The following AGBL3 variants were observed in gnomAD, a reference collection of about 807,000 sequenced individuals.
The protein encoded by AGBL3 is AGBL carboxypeptidase 3.
A neutral mutation model predicts 94.5 loss-of-function variants in AGBL3; 68 were observed. The observed-to-expected ratio is 0.72, with a 90% CI of 0.59 to 0.88. The LOEUF (loss-of-function observed/expected upper bound fraction) is 0.88, where lower values mean the gene tolerates loss of function less well. Ranked by LOEUF, AGBL3 falls within the 40% of genes least tolerant of loss-of-function variation. The probability of loss-of-function intolerance (pLI) is 0.00; values close to 1 mark genes in which losing one functional copy is unlikely to be tolerated. For missense variants in AGBL3, 934 were observed against 1,103.8 expected, an observed-to-expected ratio of 0.85 and a Z score of 2.18; for synonymous variants, 354 against 370.7, an observed-to-expected ratio of 0.95 and a Z score of 0.52.
intron 5 of AGBL3, among the ~76,000 whole-genome samples, chr7:135,026,244 A>ATT (rs1554497686): frequency 3.4e-4 from 28 of 81,474 alleles, no homozygotes; most frequent in Admixed American, 6.8e-4. Context: ...AATGAATACC[A>ATT]TTATTTTATT....
At chr7:135,049,772 AT>A (rs920187657) in intron 11 of AGBL3, among the ~76,000 whole-genome samples, 36 of 151,582 alleles carry the variant, frequency 2.4e-4, no homozygotes, top group African/African-American at 8.7e-4. Flanking sequence ...TTCCTCTTTC[AT>A]TTTTTATTTT....
In AGBL3 at chr7:135,076,306, GA is replaced by G. The variant is rs1185638179; in HGVS notation, c.1909-89del. On this transcript the variant is annotated intron_variant, in intron 12 of 16. Coordinates refer to ENST00000436302, the MANE Select transcript of AGBL3 (RefSeq NM_178563.4). The stretch of plus-strand genomic sequence containing the variant: ...GAATAAAGTACTTCTCATCTTCTTA[GA>G]AGTGGGAATCTCGAAACAATTTCAT... The G allele has an allele frequency of 6.1e-6, 6 of 991,512 alleles. No homozygotes were observed. The African/African-American group carries it at 9.9e-5, about 16-fold the overall frequency. The allele number at this position is 991,512 out of a possible 1,614,324, so 61.4% of individuals were successfully genotyped here. A position where few individuals can be genotyped will look rare whatever the true frequency, so the allele number is the denominator to read the frequency against.
chr7:135,104,779 T>A (rs1229207563), intron 15 of AGBL3, among the ~76,000 whole-genome samples: 1 of 150,742 alleles, frequency 6.6e-6, no homozygotes, highest in Non-Finnish European at 1.5e-5. Context: ...GCTGTTTGGT[T>A]TTTTTTTTTC....
At chr7:135,033,046 C>T in intron 6 of AGBL3, 64 bp downstream of exon 6, 3 of 1,381,826 alleles carry the variant, frequency 2.2e-6, no homozygotes, top group Admixed American at 3.0e-5. Flanking sequence ...GTATCAAGTA[C>T]ATTAAAGTTC....
intron 16 of AGBL3, among the ~76,000 whole-genome samples, chr7:135,116,147 T>C (rs1171647996): frequency 2.6e-5 from 4 of 152,194 alleles, no homozygotes; most frequent in African/African-American, 9.7e-5. Context: ...TATAATGTAC[T>C]TCCTATGTGC....
chr7:135,064,051 C>T (rs1457510875), intron 12 of AGBL3, among the ~76,000 whole-genome samples: 1 of 152,166 alleles, frequency 6.6e-6, no homozygotes, highest in Non-Finnish European at 1.5e-5. Context: ...GCAAGACAAA[C>T]CATGCAAATC....
chr7:135,077,179 CTG>C (rs1405893609), intron 13 of AGBL3, among the ~76,000 whole-genome samples: 1 of 152,084 alleles, frequency 6.6e-6, no homozygotes, highest in Non-Finnish European at 1.5e-5. Context: ...ATTCTTCCCC[CTG>C]CTGTCTGTTG....
rs191275972 is a variant in AGBL3 at position 135,090,848 on chromosome 7, G to T, written c.2110+9058G>T. ...AGGATGTTGGACCACCAGCCCTGGG[G>T]TGTTTCCATAGCAGCCTAGTCTCAG... On this transcript the variant is annotated intron_variant, in intron 15 of 16. Coordinates refer to ENST00000436302, the MANE Select transcript of AGBL3 (RefSeq NM_178563.4). 9.4e-4 allele frequency among the ~76,000 whole-genome samples: 143 copies of T among 152,238 alleles called. 2 individuals are homozygous for T. The highest frequency in any genetic ancestry group is 3.3e-3 in the African/African-American group (136 of 41,528).
chr7:135,041,513 TTAAA>T (rs1405432312), intron 8 of AGBL3, among the ~76,000 whole-genome samples: 2 of 152,034 alleles, frequency 1.3e-5, no homozygotes, highest in Non-Finnish European at 2.9e-5. Flanking sequence ...AAAGAAACAT[TTAAA>T]TAAATAAGTG....
At chr7:135,096,614 T>G (rs1822849303) in intron 15 of AGBL3, among the ~76,000 whole-genome samples, 1 of 136,580 alleles carries the variant, frequency 7.3e-6, no homozygotes, top group Non-Finnish European at 1.6e-5. Context: ...GATAGATAGA[T>G]AGATAGATAG....
At chr7:135,062,134 A>T (rs1818889367) in intron 12 of AGBL3, among the ~76,000 whole-genome samples, 1 of 151,846 alleles carries the variant, frequency 6.6e-6, no homozygotes, top group Middle Eastern at 3.2e-3. Context: ...TTATTCCTAC[A>T]TATTTTTTGT....
intron 5 of AGBL3, among the ~76,000 whole-genome samples, chr7:135,030,147 CTTTAA>C (rs1379801533): frequency 3.5e-5 from 5 of 144,682 alleles, no homozygotes; most frequent in Non-Finnish European, 6.0e-5. Flanking sequence ...CAACACAAAC[CTTTAA>C]TTTGTTAAAA....
intron 16 of AGBL3, among the ~76,000 whole-genome samples, chr7:135,122,408 G>A (rs779873133): frequency 3.3e-4 from 50 of 152,320 alleles, no homozygotes; most frequent in African/African-American, 1.1e-3. Flanking sequence ...AGCCCCTAGC[G>A]GGAGGGGTGA....
chr7:135,059,286 T>C (rs1333670528), intron 12 of AGBL3, 51 bp downstream of exon 12: 32 of 1,333,186 alleles, frequency 2.4e-5, no homozygotes, highest in Non-Finnish European at 3.0e-5. Flanking sequence ...TAGGTACTGT[T>C]CTTATTGTGA....
At chr7:135,117,411 C>A (rs1417672461) in intron 16 of AGBL3, among the ~76,000 whole-genome samples, 1 of 152,212 alleles carries the variant, frequency 6.6e-6, no homozygotes, top group African/African-American at 2.4e-5. Flanking sequence ...TCATGTTCAA[C>A]ATGATAATTC....
chr7:135,060,258 C>T (rs575607989), intron 12 of AGBL3, among the ~76,000 whole-genome samples: 1 of 152,076 alleles, frequency 6.6e-6, no homozygotes, highest in South Asian at 2.1e-4. Flanking sequence ...CATCATTCTT[C>T]AATTCATTTA....
At chr7:135,115,266 A>G in intron 15 of AGBL3, 114 bp from the exon 16 acceptor site, 1 of 631,998 alleles carries the variant, frequency 1.6e-6, no homozygotes, top group Non-Finnish European at 2.7e-6. Context: ...ATTAAAGTAC[A>G]AGCTTCAGAT....
rs1166248520 is a variant in AGBL3 at position 134,993,501 on chromosome 7, T to C, written c.133T>C (p.Phe45Leu). The C allele has an allele frequency of 1.3e-6, 2 of 1,546,414 alleles. No individual in the cohort carries two copies. The highest frequency in any genetic ancestry group is 4.0e-5 in the Admixed American group (2 of 49,980). The change falls in exon 4 of 17, where the codon TTT becomes CTT. Residue 45 changes from phenylalanine (F) to leucine (L), a missense_variant. By Grantham distance (22) the Phe-to-Leu change is conservative. Transcript: ENST00000436302. ...TTGAATCTTTTTCTCAGCTGACTCT[T>C]TTGGTGATCCCTTCTTCCCCCGGAC... ...HRCALLTADS[F>L]GDPFFPRTTQ...
intron 15 of AGBL3, among the ~76,000 whole-genome samples, chr7:135,095,480 C>T (rs952165533): frequency 1.3e-5 from 2 of 152,200 alleles, no homozygotes; most frequent in African/African-American, 2.4e-5. Flanking sequence ...AAACATTAAA[C>T]AGTCCAATTC....
Sources: gnomAD v4.1 joint callset for allele counts (sites outside exome capture counted in the v4.1 genomes callset) on GRCh38, gnomAD v4.1.1 for gene constraint, MANE v1.5 for transcripts, NCBI Gene and HGNC (gene_info 2026-07-23, HGNC 2026-07-21) for gene names.